SLC38A10: variants seen among roughly 807,000 people sequenced by gnomAD.
SLC38A10 encodes solute carrier family 38 member 10.
Under a neutral mutation model 81.0 loss-of-function variants are expected in SLC38A10, and 53 were observed. That is an observed-to-expected ratio of 0.65 (90% CI 0.53 to 0.82). SLC38A10 has a LOEUF of 0.82. Ranked by LOEUF, SLC38A10 falls within the 40% of genes least tolerant of loss-of-function variation. SLC38A10 has a pLI of 0.00. For synonymous variants in SLC38A10, 665 were observed against 655.3 expected (o/e 1.01, Z -0.23); for missense variants, 1,471 against 1,545.0 (o/e 0.95, Z 0.80).
intron 14 of SLC38A10, 125 bp downstream of exon 14, chr17:81,251,368 C>T (rs749911897): frequency 3.7e-5 from 60 of 1,612,570 alleles, no homozygotes; most frequent in Middle Eastern, 1.6e-4. Context: ...GCTCAGCAGG[C>T]GGCTGGAAAG....
In SLC38A10 at chr17:81,246,660, T is replaced by C. The variant is rs763391170; in HGVS notation, c.2256A>G (p.Gln752=). The change falls in exon 16 of 16, where the codon CAA becomes CAG. Residue 752 remains glutamine, a synonymous_variant. Transcript: ENST00000374759. ...EDKPRQVEVH[Q]EPGAAVPRGQ... ...CTCTGGGCACCGCTGCCCCGGGCTC[T>C]TGATGCACCTCCACTGCAAATGAAG... 7 of 1,507,220 alleles carry C rather than the reference T, an allele frequency of 4.6e-6. No homozygotes were observed. Among genetic ancestry groups the C allele is most frequent in the Admixed American group, 2.3e-5 (1 of 43,042 alleles). 93.4% of individuals were successfully genotyped at this position (1,507,220 alleles called of 1,614,324 possible).
rs958071799 is a variant in SLC38A10, at chr17:81,283,077, G to A, written c.357+332C>T. ...GAAGCTCTGGGTGACCATGGAGGCC[G>A]GGGATGCCTGAGGGCCTGGCCGCCT... On this transcript the variant is annotated intron_variant, in intron 4 of 15. Transcript: ENST00000374759. The surrounding 1 kb of genome is among the most constrained non-coding windows in gnomAD (Gnocchi z 4.7). Among the ~76,000 whole-genome samples, 6 of 152,144 alleles carry A rather than the reference G, an allele frequency of 3.9e-5. No individual in the cohort carries two copies. The highest frequency in any genetic ancestry group is 1.9e-4 in the East Asian group (1 of 5,168).
chr17:81,260,216 C>A lies in SLC38A10; in HGVS notation c.1288+22G>T, dbSNP rs376591558. 7.4e-5 allele frequency: 117 copies of A among 1,586,738 alleles called. No individual in the cohort carries two copies. The African/African-American group carries it at 1.4e-3, about 19-fold the overall frequency. ...AGTGGGCACTTGCCCTGAGAAGGCT[C>A]AGAGAGCCAGGGTGGGCATACCTGA... On this transcript the variant is annotated intron_variant, in intron 11 of 15. Transcript: ENST00000374759.
At chr17:81,272,724 G>A (rs969700152) in intron 8 of SLC38A10, 97 bp from the exon 9 acceptor site, 4 of 817,514 alleles carry the variant, frequency 4.9e-6, no homozygotes, top group Non-Finnish European at 7.3e-6. Context: ...GGCACACCAG[G>A]CACATCTCCA....
At chr17:81,252,818 C>T (rs984201483) in intron 12 of SLC38A10, 135 bp from the exon 13 acceptor site, 25 of 1,362,140 alleles carry the variant, frequency 1.8e-5, no homozygotes, top group Admixed American at 8.2e-5. Flanking sequence ...CCTCCCCTGC[C>T]GGCCTCCCTG....
At chr17:81,261,606 T>A (rs2063024253) in intron 10 of SLC38A10, among the ~76,000 whole-genome samples, 1 of 152,252 alleles carries the variant, frequency 6.6e-6, no homozygotes, top group Admixed American at 6.5e-5. Context: ...CCGAAGCTGG[T>A]GGCAGCTGAA....
chr17:81,276,152 C>A lies in SLC38A10; in HGVS notation c.730-1G>T, dbSNP rs773483324. ...AGCTGACGTAGCCGAAAAACCCCACCTGTTGGAGAATAAGAAATGGCAACG... is the reference window on the plus strand; with the variant it reads ...AGCTGACGTAGCCGAAAAACCCCACATGTTGGAGAATAAGAAATGGCAACG... On this transcript the variant is annotated splice_acceptor_variant, in intron 7 of 15. Coordinates refer to ENST00000374759, the MANE Select transcript of SLC38A10 (RefSeq NM_001037984.3). LOFTEE classifies it high-confidence loss of function. This position sits in a 1 kb window ranked among gnomAD's most constrained non-coding sequence, Gnocchi z 4.7. 1 of 1,608,260 alleles carries A rather than the reference C, an allele frequency of 6.2e-7. No individual in the cohort carries two copies. Among genetic ancestry groups the A allele is most frequent in the Non-Finnish European group, 8.5e-7 (1 of 1,176,238 alleles).
intron 11 of SLC38A10, among the ~76,000 whole-genome samples, chr17:81,257,828 C>G (rs2146900651): frequency 6.6e-6 from 1 of 152,362 alleles, no homozygotes; most frequent in African/African-American, 2.4e-5. Flanking sequence ...GACGAGGGTG[C>G]CCGAGGGGTG....
intron 13 of SLC38A10, 54 bp downstream of exon 13, chr17:81,252,141 C>G (rs976289883): frequency 1.4e-5 from 21 of 1,487,066 alleles, no homozygotes; most frequent in Non-Finnish European, 1.8e-5. Flanking sequence ...CCTGCCCAGC[C>G]TCCCCAGCCC....
intron 13 of SLC38A10, 124 bp from the exon 14 acceptor site, chr17:81,251,736 C>A (rs567115975): frequency 9.5e-7 from 1 of 1,047,684 alleles, no homozygotes; most frequent in South Asian, 2.2e-5. Flanking sequence ...GTGACACCCC[C>A]GTCAGCACAG....
chr17:81,250,374 G>A (rs776809647), intron 14 of SLC38A10, among the ~76,000 whole-genome samples: 8 of 152,256 alleles, frequency 5.3e-5, no homozygotes, highest in Non-Finnish European at 1.0e-4. Flanking sequence ...AAGCCAGGCC[G>A]CAGCGACTGG....
At chr17:81,268,801 G>C (rs561074629) in intron 10 of SLC38A10, among the ~76,000 whole-genome samples, 1 of 152,092 alleles carries the variant, frequency 6.6e-6, no homozygotes, top group African/African-American at 2.4e-5. Flanking sequence ...TCAAAAATCA[G>C]TTATTATATT....
chr17:81,279,040 C>T (rs930736834), intron 6 of SLC38A10, among the ~76,000 whole-genome samples: 2 of 152,242 alleles, frequency 1.3e-5, no homozygotes, highest in African/African-American at 4.8e-5. Flanking sequence ...CCCATGGCCC[C>T]AGACGGAGCA....
chr17:81,256,309 G>A (rs968643434), intron 11 of SLC38A10, among the ~76,000 whole-genome samples: 3 of 152,250 alleles, frequency 2.0e-5, no homozygotes, highest in African/African-American at 7.2e-5. Flanking sequence ...GACCTGGAGG[G>A]GAAGGGGCAA....
At chr17:81,280,786 T>G (rs1246165235) in intron 5 of SLC38A10, 53 bp from the exon 6 acceptor site, 1 of 1,559,884 alleles carries the variant, frequency 6.4e-7, no homozygotes, top group Non-Finnish European at 8.7e-7. Flanking sequence ...CAGGCGGGAC[T>G]CAGCATCCCG....
In SLC38A10 at chr17:81,270,961, G is replaced by A. The variant is rs566225581; in HGVS notation, c.1088C>T (p.Ala363Val). The change falls in exon 10 of 16, where the codon GCG (alanine) becomes GTG (valine). Residue 363 changes from alanine (A) to valine (V), a missense_variant. Physicochemically the swap from Ala to Val is moderately conservative, Grantham distance 64. This residue lies in a region of SLC38A10 where 720 missense variants were observed against 827.7 expected (regional missense o/e 0.87). Transcript: ENST00000374759. This position sits in a 1 kb window ranked among gnomAD's most constrained non-coding sequence, Gnocchi z 4.0. ...CTTGTGGATTTTCTTGTAGATCAGC[G>A]CCGGGCAGATGAAGCAGATGAGGCT... ...MGSLICFICP[A>V]LIYKKIHKNA... 3.9e-5 allele frequency: 63 copies of A among 1,613,870 alleles called. No homozygotes were observed. Among genetic ancestry groups the A allele is most frequent in the South Asian group, 7.7e-5 (7 of 91,082 alleles).
chr17:81,247,353 C>T (rs1416965013), intron 14 of SLC38A10: 2 of 311,688 alleles, frequency 6.4e-6, no homozygotes, highest in East Asian at 5.3e-5. Context: ...CTCCCACTGG[C>T]TGTGCCCCAG....
chr17:81,270,932 C>T lies in SLC38A10; in HGVS notation c.1117G>A (p.Ala373Thr), dbSNP rs116110978. Reference sequence around the variant, plus strand: ...GCAGCACGCACCTGGGAGGAAAGTGCGTTCTTGTGGATTTTCTTGTAGATC... The same window carrying T: ...GCAGCACGCACCTGGGAGGAAAGTGTGTTCTTGTGGATTTTCTTGTAGATC... ...ALIYKKIHKN[A>T]LSSQVVLWVG... is the part of the protein sequence containing the mutation. The change falls in exon 10 of 16, where the codon GCA becomes ACA. Residue 373 changes from alanine (A) to threonine (T), a missense_variant. Transcript: ENST00000374759. This position sits in a 1 kb window ranked among gnomAD's most constrained non-coding sequence, Gnocchi z 4.0. The T allele has an allele frequency of 1.2e-3, 2,000 of 1,613,860 alleles. 26 individuals carry two copies. The African/African-American group carries it at 0.023, about 19-fold the overall frequency.
At chr17:81,268,742 A>T (rs887182679) in intron 10 of SLC38A10, among the ~76,000 whole-genome samples, 1 of 151,980 alleles carries the variant, frequency 6.6e-6, no homozygotes, top group Non-Finnish European at 1.5e-5. Flanking sequence ...GCAAAAACAG[A>T]AAAAGGACAT....
Sources: allele counts gnomAD v4.1 joint callset (sites outside exome capture counted in the v4.1 genomes callset), GRCh38; gene constraint gnomAD v4.1.1; regional missense constraint gnomAD v4.1.1; non-coding constraint Gnocchi (gnomAD v3.1); transcripts MANE v1.5; gene names NCBI Gene and HGNC (gene_info 2026-07-23, HGNC 2026-07-21).